IL31RA: variants seen among roughly 807,000 people sequenced by gnomAD.
IL31RA encodes interleukin-31 receptor subunit alpha.
In IL31RA, 66 loss-of-function variants were observed where a neutral mutation model predicts 83.7. The observed-to-expected ratio is 0.79, with a 90% CI of 0.65 to 0.97. The LOEUF is 0.97. Ranked by LOEUF, IL31RA falls within the 50% of genes least tolerant of loss-of-function variation. The pLI is 0.00. For synonymous variants in IL31RA, 325 were observed against 329.0 expected, an observed-to-expected ratio of 0.99 and a Z score of 0.13; for missense variants, 798 against 919.4, an observed-to-expected ratio of 0.87 and a Z score of 1.71.
intron 4 of IL31RA, among the ~76,000 whole-genome samples, chr5:55,881,462 C>T (rs1359673715): frequency 2.6e-5 from 4 of 152,058 alleles, no homozygotes; most frequent in African/African-American, 9.7e-5. Flanking sequence ...GGGTTTTCTA[C>T]GCCGGCCTAC....
Position 55,910,565 on chromosome 5 carries a change from G to A in IL31RA, c.1535G>A (p.Gly512Asp), listed in dbSNP as rs1421685618. 3 of 1,613,958 alleles carry A rather than the reference G, an allele frequency of 1.9e-6. No homozygotes were observed. The highest frequency in any genetic ancestry group is 2.5e-6 in the Non-Finnish European group (3 of 1,180,010). The change falls in exon 12 of 15, where the codon GGC (glycine) becomes GAC (aspartate). Residue 512 changes from glycine (G) to aspartate (D), a missense_variant. By Grantham distance (94) the Gly-to-Asp change is moderately conservative. Coordinates refer to ENST00000652347, the MANE Select transcript of IL31RA (RefSeq NM_139017.7). ...GTCAATTCCAGCATCTTGCAGTACG[G>A]CCTGGAGTCCCTGAAACGAAAGACC... ...KTVNSSILQY[G>D]LESLKRKTSY... is the part of the protein sequence containing the mutation.
chr5:55,873,415 T>C (rs1441772523), intron 4 of IL31RA, among the ~76,000 whole-genome samples: 3 of 152,158 alleles, frequency 2.0e-5, no homozygotes, highest in South Asian at 2.1e-4. Context: ...CTCTTAGATA[T>C]ATACCTAGTG....
chr5:55,840,419 G>A, the IL31RA span, among the ~76,000 whole-genome samples: 1 of 152,224 alleles, frequency 6.6e-6, no homozygotes, highest in Admixed American at 6.5e-5. Flanking sequence ...CTGCTAAGAT[G>A]AGGTTAGTAA....
chr5:55,847,243 A>T (rs141316020), upstream of IL31RA, among the ~76,000 whole-genome samples: 10 of 19,638 alleles, frequency 5.1e-4, no homozygotes, highest in African/African-American at 9.3e-4. Context: ...AAAAAAAAAT[A>T]AAAATAAATA....
Position 55,910,679 on chromosome 5 carries a change from A to G in IL31RA, c.1642+7A>G. 1 of 1,614,042 alleles carries G rather than the reference A, an allele frequency of 6.2e-7. No homozygotes were observed. Among genetic ancestry groups the G allele is most frequent in the South Asian group, 1.1e-5 (1 of 91,068 alleles). On this transcript the variant is annotated splice_region_variant and intron_variant, in intron 12 of 14. Transcript: ENST00000652347. ...TTCAAGACATTGTCATTCAGTGAGT[A>G]TTTCCTTCAAGCCTTAGGTACCTCT...
At chr5:55,868,349 G>A (rs1746313736) in intron 2 of IL31RA, among the ~76,000 whole-genome samples, 1 of 152,106 alleles carries the variant, frequency 6.6e-6, no homozygotes, top group South Asian at 2.1e-4. Flanking sequence ...TTTCTCTATT[G>A]TACAATCTTC....
intron 1 of IL31RA, among the ~76,000 whole-genome samples, chr5:55,858,853 G>A (rs1292226459): frequency 6.6e-6 from 1 of 152,194 alleles, no homozygotes; most frequent in Non-Finnish European, 1.5e-5. Flanking sequence ...GCTTCAAAGA[G>A]GAAGAAGAGA....
intron 2 of IL31RA, among the ~76,000 whole-genome samples, chr5:55,860,265 A>G (rs1052243101): frequency 6.6e-6 from 1 of 152,052 alleles, no homozygotes; most frequent in African/African-American, 2.4e-5. Flanking sequence ...GCTACTTGGG[A>G]GGCTGAGGTG....
rs958605379 is a variant in IL31RA, at chr5:55,917,486, C to G, written c.*366C>G. On this transcript the variant is annotated 3_prime_UTR_variant, in exon 15 of 15. Transcript: ENST00000652347. The stretch of plus-strand genomic sequence containing the variant: ...CCAGGAATTGGGTCATGGTCCCAGC[C>G]TTTGCTGGGGCTGAGCCTCAGAGTT... The G allele has an allele frequency of 5.6e-6, 2 of 358,772 alleles. No individual in the cohort carries two copies. Among genetic ancestry groups the G allele is most frequent in the African/African-American group, 2.1e-5 (1 of 47,718 alleles). 22.2% of individuals were successfully genotyped at this position (358,772 alleles called of 1,614,324 possible). A position where few individuals can be genotyped will look rare whatever the true frequency, so the allele number is the denominator to read the frequency against.
intron 5 of IL31RA, among the ~76,000 whole-genome samples, chr5:55,887,890 A>G (rs1365291524): frequency 1.3e-5 from 2 of 151,832 alleles, no homozygotes; most frequent in Admixed American, 6.6e-5. Context: ...CTCAAAAAAA[A>G]AAAGAAAAAA....
chr5:55,911,516 A>G (rs1162288267), intron 12 of IL31RA, among the ~76,000 whole-genome samples: 1 of 152,200 alleles, frequency 6.6e-6, no homozygotes, highest in East Asian at 1.9e-4. Flanking sequence ...AAAAAGACAT[A>G]TGATATATTT....
rs918754069 is a variant in IL31RA, at chr5:55,907,380, G to T, written c.1274G>T (p.Cys425Phe). 35 of 1,612,740 alleles carry T rather than the reference G, an allele frequency of 2.2e-5. No individual in the cohort carries two copies. Among genetic ancestry groups the T allele is most frequent in the Non-Finnish European group, 3.0e-5 (35 of 1,178,940 alleles). Reference protein sequence around the residue: ...IQQDKLKPFWCYNISVYPMLH... With the variant: ...IQQDKLKPFWFYNISVYPMLH... The stretch of plus-strand genomic sequence containing the variant: ...ACAGATAAATTAAAACCTTTCTGGT[G>T]CTATAACATCTCTGTGTATCCAATG... Residue 425 changes from cysteine (C) to phenylalanine (F), a missense_variant, in exon 10 of 15, where the codon TGC (cysteine) becomes TTC (phenylalanine). By Grantham distance (205) the Cys-to-Phe change is radical. Coordinates refer to ENST00000652347, the MANE Select transcript of IL31RA (RefSeq NM_139017.7).
chr5:55,913,736 T>G (rs1749632263), intron 13 of IL31RA, among the ~76,000 whole-genome samples, 166 bp downstream of exon 13: 1 of 152,252 alleles, frequency 6.6e-6, no homozygotes, highest in Non-Finnish European at 1.5e-5. Flanking sequence ...GCTCAGTGGC[T>G]CACCGGAATT....
At chr5:55,874,172 T>C (rs1322444234) in intron 4 of IL31RA, among the ~76,000 whole-genome samples, 1 of 152,118 alleles carries the variant, frequency 6.6e-6, no homozygotes, top group Non-Finnish European at 1.5e-5. Flanking sequence ...CCATCCCACG[T>C]TGTTGAATTG....
At chr5:55,888,696 A>C (rs1239889666) in intron 5 of IL31RA, among the ~76,000 whole-genome samples, 1 of 152,134 alleles carries the variant, frequency 6.6e-6, no homozygotes, top group Non-Finnish European at 1.5e-5. Flanking sequence ...AACTAACAAC[A>C]GGCTGTCTCA....
At chr5:55,842,946 C>CCCCGT in the IL31RA span, among the ~76,000 whole-genome samples, 1 of 152,174 alleles carries the variant, frequency 6.6e-6, no homozygotes, top group Admixed American at 6.5e-5. Context: ...CTCAGCTCTG[C>CCCCGT]CCCGTCTTTC....
At chr5:55,908,768 GA>G (rs1422082306) in intron 11 of IL31RA, 4 of 1,426,576 alleles carry the variant, frequency 2.8e-6, no homozygotes, top group South Asian at 3.2e-5. Context: ...CTGTCACCAT[GA>G]CTTCTACTGC....
chr5:55,895,089 A>G (rs1264482600), intron 6 of IL31RA, among the ~76,000 whole-genome samples: 1 of 152,194 alleles, frequency 6.6e-6, no homozygotes, highest in Non-Finnish European at 1.5e-5. Context: ...TACTTCTAAA[A>G]AATAGTTTAG....
At chr5:55,858,206 A>C (rs920895213) in intron 1 of IL31RA, among the ~76,000 whole-genome samples, 1 of 152,216 alleles carries the variant, frequency 6.6e-6, no homozygotes, top group Non-Finnish European at 1.5e-5. Context: ...TAGTTTTAGC[A>C]TCTATTATTA....
Sources: allele counts gnomAD v4.1 joint callset (sites outside exome capture counted in the v4.1 genomes callset), GRCh38; gene constraint gnomAD v4.1.1; transcripts MANE v1.5; gene names NCBI Gene and HGNC (gene_info 2026-07-23, HGNC 2026-07-21).